PRKCQ: variants seen among roughly 807,000 people sequenced by gnomAD.
PRKCQ encodes protein kinase C theta type.
Under a neutral mutation model 91.2 loss-of-function variants are expected in PRKCQ, and 41 were observed. The ratio of observed to expected loss-of-function variants is 0.45; its 90% CI spans 0.35 to 0.58. PRKCQ has a LOEUF of 0.58. Ranked by LOEUF, PRKCQ falls within the 20% of genes least tolerant of loss-of-function variation. The probability of loss-of-function intolerance (pLI) is 0.00; values close to 1 mark genes in which losing one functional copy is unlikely to be tolerated. For missense variants in PRKCQ, 673 were observed against 896.5 expected, an observed-to-expected ratio of 0.75 and a Z score of 3.18; for synonymous variants, 307 against 316.9, an observed-to-expected ratio of 0.97 and a Z score of 0.33.
intron 8 of PRKCQ, among the ~76,000 whole-genome samples, chr10:6,487,320 C>G (rs1191681164): frequency 6.6e-6 from 1 of 152,204 alleles, no homozygotes; most frequent in Non-Finnish European, 1.5e-5. Flanking sequence ...AGTTTTCTGT[C>G]ATCTTTATAA....
At chr10:6,434,607 A>C (rs1833605620) in intron 16 of PRKCQ, among the ~76,000 whole-genome samples, 1 of 152,174 alleles carries the variant, frequency 6.6e-6, no homozygotes, top group South Asian at 2.1e-4. Flanking sequence ...ATACCTGAAG[A>C]CTTGATTTTG....
intron 1 of PRKCQ, among the ~76,000 whole-genome samples, chr10:6,539,254 A>G (rs1053623320): frequency 3.3e-5 from 5 of 152,048 alleles, no homozygotes; most frequent in African/African-American, 1.2e-4. Context: ...ACTTTTCTAA[A>G]TTCACCTATG....
At position 6,519,109 on chromosome 10, in the gene PRKCQ, C is replaced by T. The variant is rs558061024; in HGVS notation, c.-9-3965G>A. Among the ~76,000 whole-genome samples the T allele has an allele frequency of 2.5e-4, 38 of 152,268 alleles. No homozygotes were observed. The East Asian group carries it at 6.0e-3, about 24-fold the overall frequency. ...GAGCCAAGAAGATGTGTAATGAATACACAAGAAAGAAATTAACATAAAAGA... is the reference window on the plus strand; with the variant it reads ...GAGCCAAGAAGATGTGTAATGAATATACAAGAAAGAAATTAACATAAAAGA... On this transcript the variant is annotated intron_variant, in intron 1 of 17. Transcript: ENST00000263125.
intron 7 of PRKCQ, 26 bp from the exon 8 acceptor site, chr10:6,491,838 C>A (rs1837322268): frequency 6.2e-7 from 1 of 1,613,884 alleles, no homozygotes; most frequent in African/African-American, 1.3e-5. Flanking sequence ...AAGGTGAAAT[C>A]TGTGTATTCC....
chr10:6,494,680 T>G (rs1242317386), intron 7 of PRKCQ, among the ~76,000 whole-genome samples: 2 of 152,184 alleles, frequency 1.3e-5, no homozygotes, highest in African/African-American at 4.8e-5. Context: ...TGTCTATCTC[T>G]GTCCTTTATC....
chr10:6,408,335 G>A, the PRKCQ span, among the ~76,000 whole-genome samples: 3 of 152,002 alleles, frequency 2.0e-5, no homozygotes, highest in African/African-American at 7.2e-5. Flanking sequence ...TTTGATTGAT[G>A]GATTTAGTTT....
At chr10:6,547,689 C>G (rs1421974974) in intron 1 of PRKCQ, among the ~76,000 whole-genome samples, 1 of 151,206 alleles carries the variant, frequency 6.6e-6, no homozygotes, top group Admixed American at 6.6e-5. Context: ...ATGTAGAAAG[C>G]TGAAACTGGA....
the PRKCQ span, among the ~76,000 whole-genome samples, chr10:6,419,769 A>G: frequency 6.1e-5 from 9 of 147,782 alleles, no homozygotes; most frequent in Non-Finnish European, 1.3e-4. Flanking sequence ...GCTCATTGCA[A>G]TCTCCACCTC....
chr10:6,417,038 T>C, the PRKCQ span, among the ~76,000 whole-genome samples: 5 of 152,364 alleles, frequency 3.3e-5, no homozygotes, highest in South Asian at 8.3e-4. Context: ...ACTCCTGTAA[T>C]GTATTCTTAA....
In PRKCQ at chr10:6,428,001, C is replaced by G. The variant is rs1833202485; in HGVS notation, c.*206G>C. On this transcript the variant is annotated 3_prime_UTR_variant, in exon 18 of 18. Coordinates refer to ENST00000263125, the MANE Select transcript of PRKCQ (RefSeq NM_006257.5). ...CTTCAGGAGCGTCTGTGAGACATGT[C>G]AGGAGACGAGACACACGGCATCGTC... 1 of 608,360 alleles carries G rather than the reference C, an allele frequency of 1.6e-6. No individual in the cohort carries two copies. The highest frequency in any genetic ancestry group is 3.0e-5 in the East Asian group (1 of 33,778). 37.7% of individuals were successfully genotyped at this position (608,360 alleles called of 1,614,324 possible). A position where few individuals can be genotyped will look rare whatever the true frequency, so the allele number is the denominator to read the frequency against.
intron 14 of PRKCQ, among the ~76,000 whole-genome samples, chr10:6,461,721 T>C (rs1835361494): frequency 6.6e-6 from 1 of 152,154 alleles, no homozygotes; most frequent in East Asian, 1.9e-4. Context: ...AGATCCTTTC[T>C]TTTTTTTCCT....
At chr10:6,510,084 T>C (rs1838395192) in intron 3 of PRKCQ, among the ~76,000 whole-genome samples, 2 of 152,200 alleles carry the variant, frequency 1.3e-5, no homozygotes, top group Non-Finnish European at 2.9e-5. Flanking sequence ...ATCTGAGTTA[T>C]AGAAAGTAAG....
At chr10:6,524,791 G>C (rs939541779) in intron 1 of PRKCQ, among the ~76,000 whole-genome samples, 3 of 152,226 alleles carry the variant, frequency 2.0e-5, no homozygotes, top group African/African-American at 7.2e-5. Flanking sequence ...CAAGGTCTGT[G>C]AGTCTCACCA....
chr10:6,464,167 G>A, intron 13 of PRKCQ, 146 bp downstream of exon 13: 2 of 743,414 alleles, frequency 2.7e-6, no homozygotes, highest in East Asian at 2.6e-5. Flanking sequence ...TTCACAACCT[G>A]GGAAAACTGT....
At chr10:6,558,048 G>A (rs557149908) in intron 1 of PRKCQ, among the ~76,000 whole-genome samples, 5 of 151,734 alleles carry the variant, frequency 3.3e-5, no homozygotes, top group African/African-American at 7.2e-5. Flanking sequence ...GCTCTTTCAC[G>A]CTGCCTTTTC....
intron 7 of PRKCQ, among the ~76,000 whole-genome samples, chr10:6,492,192 T>C (rs1223674793): frequency 6.6e-6 from 1 of 151,548 alleles, no homozygotes; most frequent in Non-Finnish European, 1.5e-5. Context: ...AAATATTTCC[T>C]TTTCTCTTTC....
intron 1 of PRKCQ, among the ~76,000 whole-genome samples, chr10:6,572,227 T>C (rs1178917875): frequency 6.6e-6 from 1 of 152,158 alleles, no homozygotes; most frequent in Admixed American, 6.5e-5. Flanking sequence ...TTTTCTTTAA[T>C]TTTTATTTTT....
chr10:6,553,454 C>T (rs1840267006), intron 1 of PRKCQ, among the ~76,000 whole-genome samples: 1 of 144,838 alleles, frequency 6.9e-6, no homozygotes, highest in African/African-American at 2.6e-5. Context: ...AGTGCCACTG[C>T]ACTCCAGCCT....
At chr10:6,457,650 A>G (rs947896869) in intron 14 of PRKCQ, among the ~76,000 whole-genome samples, 5 of 152,116 alleles carry the variant, frequency 3.3e-5, no homozygotes, top group African/African-American at 1.2e-4. Flanking sequence ...TTCTCGACTG[A>G]CTTGGCTCAG....
Sources: allele counts gnomAD v4.1 joint callset (sites outside exome capture counted in the v4.1 genomes callset), GRCh38; gene constraint gnomAD v4.1.1; transcripts MANE v1.5; gene names NCBI Gene and HGNC (gene_info 2026-07-23, HGNC 2026-07-21).